KIAA0825: variants seen among roughly 807,000 people sequenced by gnomAD.
KIAA0825 encodes the protein uncharacterized protein KIAA0825.
In KIAA0825, 119 loss-of-function variants were observed where a neutral mutation model predicts 147.6. The observed-to-expected ratio is 0.81, with a 90% CI of 0.69 to 0.94. The LOEUF (loss-of-function observed/expected upper bound fraction) is 0.94, where lower values mean the gene tolerates loss of function less well. Among genes scored for constraint, KIAA0825 ranks in the 40% least tolerant of loss-of-function variants. The pLI is 0.00. For synonymous variants in KIAA0825, 470 were observed against 518.1 expected, an observed-to-expected ratio of 0.91 and a Z score of 1.26; for missense variants, 1,381 against 1,472.7, an observed-to-expected ratio of 0.94 and a Z score of 1.02.
At position 94,427,812 on chromosome 5, in the gene KIAA0825, C is replaced by T. The variant is rs181022745; in HGVS notation, c.2498-10447G>A. Reference sequence around the variant, plus strand: ...CCTTTTCATAGGTCTAGATATGAAACATAGGTCTAGATATGACCTATAGCT... The same window carrying T: ...CCTTTTCATAGGTCTAGATATGAAATATAGGTCTAGATATGACCTATAGCT... On this transcript the variant is annotated intron_variant, in intron 14 of 20. Transcript: ENST00000682413. Among the ~76,000 whole-genome samples the T allele has an allele frequency of 3.8e-3, 583 of 152,172 alleles. 6 individuals are homozygous for T. Among genetic ancestry groups the T allele is most frequent in the Middle Eastern group, 0.02 (6 of 294 alleles).
intron 20 of KIAA0825, among the ~76,000 whole-genome samples, chr5:94,376,165 T>TA (rs1313968359): frequency 9.9e-5 from 15 of 152,240 alleles, no homozygotes; most frequent in Non-Finnish European, 1.6e-4. Context: ...AGCCATATGG[T>TA]AAGCACTCTG....
intron 5 of KIAA0825, among the ~76,000 whole-genome samples, chr5:94,504,343 C>G (rs551254326): frequency 6.6e-6 from 1 of 152,230 alleles, no homozygotes; most frequent in African/African-American, 2.4e-5. Context: ...TCACTCACAC[C>G]AAGCAAGAGG....
chr5:94,524,678 C>A (rs182233469), intron 3 of KIAA0825, among the ~76,000 whole-genome samples: 1 of 151,548 alleles, frequency 6.6e-6, no homozygotes, highest in Non-Finnish European at 1.5e-5. Flanking sequence ...ATTTAAAAAA[C>A]GACTGGAAGG....
In KIAA0825 at chr5:94,470,039, G is replaced by A. The variant is rs1338512588; in HGVS notation, c.1794C>T (p.Tyr598=). 1 of 1,551,660 alleles carries A rather than the reference G, an allele frequency of 6.4e-7. No homozygotes were observed. The part of the protein sequence containing the change: ...INTLQFQVTN[Y]CVRVCATSIL... Reference sequence around the variant, plus strand: ...TGCTTGTAGCACAAACTCTGACGCAGTAGTTCGTAACCTGAAACTGTAGAG... The same window carrying A: ...TGCTTGTAGCACAAACTCTGACGCAATAGTTCGTAACCTGAAACTGTAGAG... Residue 598 remains tyrosine (Y), a synonymous_variant, in exon 10 of 21, where the codon TAC becomes TAT. Transcript: ENST00000682413.
At chr5:94,496,438 T>C (rs1012226408) in intron 5 of KIAA0825, among the ~76,000 whole-genome samples, 5 of 152,092 alleles carry the variant, frequency 3.3e-5, no homozygotes, top group African/African-American at 1.2e-4. Context: ...ACCCCTGCCC[T>C]CAGCAAATAG....
At chr5:94,296,079 T>G (rs2150173100) in intron 20 of KIAA0825, among the ~76,000 whole-genome samples, 1 of 152,360 alleles carries the variant, frequency 6.6e-6, no homozygotes, top group African/African-American at 2.4e-5. Flanking sequence ...CTGGGGCTGC[T>G]GCCTTTCTTT....
At chr5:94,276,807 GCA>G (rs1777243825) in intron 20 of KIAA0825, among the ~76,000 whole-genome samples, 1 of 152,010 alleles carries the variant, frequency 6.6e-6, no homozygotes. Context: ...TTATGGCTAG[GCA>G]TTGGTTATTC....
chr5:94,516,485 A>C (rs537270989), intron 5 of KIAA0825, among the ~76,000 whole-genome samples: 2 of 152,368 alleles, frequency 1.3e-5, no homozygotes, highest in South Asian at 4.1e-4. Flanking sequence ...TCAGTGTAGA[A>C]GACAGAAATA....
At chr5:94,587,670 T>C (rs1783567959) in intron 1 of KIAA0825, among the ~76,000 whole-genome samples, 1 of 152,178 alleles carries the variant, frequency 6.6e-6, no homozygotes, top group African/African-American at 2.4e-5. Flanking sequence ...ACCAATGACT[T>C]TCTTCACAGA....
At chr5:94,348,665 T>C (rs918306038) in intron 20 of KIAA0825, among the ~76,000 whole-genome samples, 4 of 151,364 alleles carry the variant, frequency 2.6e-5, no homozygotes, top group African/African-American at 9.8e-5. Context: ...CAGGGGTAGC[T>C]ATTCCTATAT....
chr5:94,225,533 A>G (rs2150073161), intron 20 of KIAA0825, among the ~76,000 whole-genome samples: 1 of 152,284 alleles, frequency 6.6e-6, no homozygotes, highest in Non-Finnish European at 1.5e-5. Flanking sequence ...TGGAGCCCTC[A>G]TGAAGGGGAT....
intron 20 of KIAA0825, among the ~76,000 whole-genome samples, chr5:94,209,421 G>A (rs1772501858): frequency 6.6e-6 from 1 of 152,158 alleles, no homozygotes; most frequent in African/African-American, 2.4e-5. Flanking sequence ...AGCAGGGTGA[G>A]ACATCAAATG....
intron 12 of KIAA0825, among the ~76,000 whole-genome samples, chr5:94,459,623 C>T (rs1283071197): frequency 6.6e-6 from 1 of 152,062 alleles, no homozygotes; most frequent in Non-Finnish European, 1.5e-5. Context: ...CAAATGGACC[C>T]CAAGATGAGG....
intron 1 of KIAA0825, among the ~76,000 whole-genome samples, chr5:94,597,578 A>G (rs1785537904): frequency 1.3e-5 from 2 of 152,210 alleles, no homozygotes; most frequent in Admixed American, 1.3e-4. Context: ...AAGACATTCT[A>G]CAATGACAGT....
intron 14 of KIAA0825, among the ~76,000 whole-genome samples, chr5:94,417,796 C>T (rs944164446): frequency 5.3e-5 from 8 of 152,136 alleles, no homozygotes; most frequent in Non-Finnish European, 1.5e-5. Context: ...GGAAAATTCA[C>T]ATTTTTAGTT....
intron 2 of KIAA0825, among the ~76,000 whole-genome samples, chr5:94,557,510 A>C (rs11959365): frequency 0.015 from 2,316 of 151,824 alleles, 66 homozygotes; most frequent in African/African-American, 0.053. Flanking sequence ...ATTTAGGGTT[A>C]GACCATTATG....
At chr5:94,406,332 C>T (rs141060310) in intron 15 of KIAA0825, among the ~76,000 whole-genome samples, 17 of 152,170 alleles carry the variant, frequency 1.1e-4, no homozygotes, top group African/African-American at 3.9e-4. Context: ...CTGCAATGCA[C>T]TAGAATTAGA....
At chr5:94,318,399 A>G (rs1035182804) in intron 20 of KIAA0825, among the ~76,000 whole-genome samples, 18 of 151,944 alleles carry the variant, frequency 1.2e-4, no homozygotes, top group African/African-American at 1.7e-4. Context: ...TAAGAAATTG[A>G]AATACATTTT....
chr5:94,480,302 AT>A (rs1203535571), intron 6 of KIAA0825, among the ~76,000 whole-genome samples: 1 of 152,102 alleles, frequency 6.6e-6, no homozygotes, highest in Non-Finnish European at 1.5e-5. Flanking sequence ...ATAAAAGAGA[AT>A]TTCTACATAG....
Sources: gnomAD v4.1 joint callset for allele counts (sites outside exome capture counted in the v4.1 genomes callset) on GRCh38, gnomAD v4.1.1 for gene constraint, MANE v1.5 for transcripts, NCBI Gene and HGNC (gene_info 2026-07-23, HGNC 2026-07-21) for gene names.